CDC42BPB: variants seen among roughly 807,000 people sequenced by gnomAD.
CDC42BPB encodes serine/threonine-protein kinase MRCK beta.
A neutral mutation model predicts 214.9 loss-of-function variants in CDC42BPB; 37 were observed. The observed-to-expected ratio is 0.17, with a 90% CI of 0.13 to 0.23. The LOEUF is 0.23. Among genes scored for constraint, CDC42BPB ranks in the 10% least tolerant of loss-of-function variants. The pLI, the probability that CDC42BPB is intolerant of heterozygous loss-of-function variation, is 1.00. For missense variants in CDC42BPB, 1,694 were observed against 2,227.0 expected, an observed-to-expected ratio of 0.76 and a Z score of 4.82; for synonymous variants, 931 against 884.0, an observed-to-expected ratio of 1.05 and a Z score of -0.94.
At chr14:103,023,168 A>AT (rs35470028) in intron 1 of CDC42BPB, among the ~76,000 whole-genome samples, 60,192 of 129,128 alleles carry the variant, frequency 0.47, 14,905 homozygotes, top group African/African-American at 0.61. Flanking sequence ...CATGTGGCTA[A>AT]TTTTTTTTTT....
chr14:103,032,950 GA>G (rs1887475506), intron 1 of CDC42BPB, among the ~76,000 whole-genome samples: 1 of 149,450 alleles, frequency 6.7e-6, no homozygotes, highest in Admixed American at 6.7e-5. Context: ...AAAAAAAAAG[GA>G]AATTTAAACA....
At chr14:102,945,252 CG>C (rs1283715315) in intron 29 of CDC42BPB, 1 of 459,066 alleles carries the variant, frequency 2.2e-6, no homozygotes, top group African/African-American at 2.0e-5. Flanking sequence ...AGTCTCCTGA[CG>C]TTTCTGCTCC....
intron 1 of CDC42BPB, among the ~76,000 whole-genome samples, chr14:103,055,678 G>C (rs1471721509): frequency 6.6e-6 from 1 of 152,208 alleles, no homozygotes; most frequent in Non-Finnish European, 1.5e-5. Flanking sequence ...AAGATACCGT[G>C]TAACATTTCA....
At chr14:102,947,174 A>G (rs1037166657) in intron 27 of CDC42BPB, among the ~76,000 whole-genome samples, 1 of 152,160 alleles carries the variant, frequency 6.6e-6, no homozygotes, top group Non-Finnish European at 1.5e-5. Context: ...GATTTAGTAA[A>G]AGCTAATTTA....
chr14:102,940,181 A>G, intron 31 of CDC42BPB, 46 bp downstream of exon 31: 1 of 1,613,342 alleles, frequency 6.2e-7, no homozygotes, highest in Non-Finnish European at 8.5e-7. Context: ...CACAGACTGC[A>G]CCGGGAGAAG....
At position 103,057,271 on chromosome 14, in the gene CDC42BPB, G is replaced by GGCA. The variant is rs541001508; in HGVS notation, c.-101_-99dup. The GGCA allele has an allele frequency of 1.7e-3, 1,895 of 1,146,154 alleles. 24 individuals are homozygous for GGCA. The African/African-American group carries it at 0.027, about 16-fold the overall frequency. 71.0% of individuals were successfully genotyped at this position (1,146,154 alleles called of 1,614,324 possible). ...CGGGGGCTCGGCGGCTGCGAGCCCC[G>GGCA]GCAGCAGCGGCGCCTCCTCGCCGCC... On this transcript the variant is annotated 5_prime_UTR_variant, in exon 1 of 37. Transcript: ENST00000361246.
intron 26 of CDC42BPB, 142 bp from the exon 27 acceptor site, chr14:102,947,944 T>C (rs1253171783): frequency 2.7e-6 from 4 of 1,495,694 alleles, no homozygotes; most frequent in Non-Finnish European, 3.5e-6. Flanking sequence ...CCTCCCCAGA[T>C]GTAAGAAACA....
rs1191226057 is a variant in CDC42BPB at position 103,004,256 on chromosome 14, T to C, written c.352-233A>G. On this transcript the variant is annotated intron_variant, in intron 3 of 36. Transcript: ENST00000361246. The surrounding 1 kb of genome is among the most constrained non-coding windows in gnomAD (Gnocchi z 5.3). ...TGCTGAGGAGGCACTTGCACCCTGC[T>C]GTCCCACGGGCACCATTTCTGTGGC... The C allele has an allele frequency of 1.8e-6, 2 of 1,091,592 alleles. No individual in the cohort carries two copies. The highest frequency in any genetic ancestry group is 2.3e-6 in the Non-Finnish European group (2 of 853,572). The allele number at this position is 1,091,592 out of a possible 1,614,324, so 67.6% of individuals were successfully genotyped here.
In CDC42BPB at chr14:103,001,513, G is replaced by A. The variant is rs965928992; in HGVS notation, c.448-1800C>T. On this transcript the variant is annotated intron_variant, in intron 4 of 36. Transcript: ENST00000361246. This position sits in a 1 kb window ranked among gnomAD's most constrained non-coding sequence, Gnocchi z 5.8. Reference sequence around the variant, plus strand: ...AAGCGGCTAGGAGGAAAGTGGCAGCGGCACCCTGGAGCCTGCCAAAAGGGG... The same window carrying A: ...AAGCGGCTAGGAGGAAAGTGGCAGCAGCACCCTGGAGCCTGCCAAAAGGGG... Among the ~76,000 whole-genome samples, 93 of 152,298 alleles carry A rather than the reference G, an allele frequency of 6.1e-4. No individual in the cohort carries two copies. The highest frequency in any genetic ancestry group is 2.2e-3 in the African/African-American group (92 of 41,572).
intron 3 of CDC42BPB, among the ~76,000 whole-genome samples, chr14:103,005,145 G>A (rs1895178325): frequency 6.6e-6 from 1 of 150,438 alleles, no homozygotes; most frequent in Admixed American, 6.6e-5. Flanking sequence ...TCCAGCCTGG[G>A]CGACAAAGCG....
In CDC42BPB at chr14:102,943,657, G is replaced by A. The variant is rs570714705; in HGVS notation, c.4408+234C>T. ...GGGTCCTCTGCTGAGGCCTCTGGAAGAACCGGCCCCATGTGCTCAGGGAGA... is the reference window on the plus strand; with the variant it reads ...GGGTCCTCTGCTGAGGCCTCTGGAAAAACCGGCCCCATGTGCTCAGGGAGA... On this transcript the variant is annotated intron_variant, in intron 30 of 36. Coordinates refer to ENST00000361246, the MANE Select transcript of CDC42BPB (RefSeq NM_006035.4). This position sits in a 1 kb window ranked among gnomAD's most constrained non-coding sequence, Gnocchi z 4.6. Among the ~76,000 whole-genome samples the A allele has an allele frequency of 1.3e-5, 2 of 152,316 alleles. No individual in the cohort carries two copies. Among genetic ancestry groups the A allele is most frequent in the East Asian group, 1.9e-4 (1 of 5,182 alleles).
intron 1 of CDC42BPB, among the ~76,000 whole-genome samples, chr14:103,030,671 G>C (rs1337778934): frequency 6.6e-6 from 1 of 152,164 alleles, no homozygotes; most frequent in Non-Finnish European, 1.5e-5. Context: ...ACTCCAGCCT[G>C]GGTGACAGAG....
chr14:103,052,579 C>T (rs964361174), intron 1 of CDC42BPB, among the ~76,000 whole-genome samples: 2 of 152,102 alleles, frequency 1.3e-5, no homozygotes, highest in South Asian at 2.1e-4. Flanking sequence ...GGAGGAGGAC[C>T]GTGAGAAGAT....
chr14:103,028,007 G>A (rs1188458408), intron 1 of CDC42BPB, among the ~76,000 whole-genome samples: 1 of 152,204 alleles, frequency 6.6e-6, no homozygotes, highest in African/African-American at 2.4e-5. Context: ...GTGCGCACCT[G>A]TAGTCCCAGC....
chr14:102,968,798 G>A, intron 14 of CDC42BPB, 82 bp from the exon 15 acceptor site: 1 of 1,564,496 alleles, frequency 6.4e-7, no homozygotes. Flanking sequence ...TTCATCCCAA[G>A]CAAGTGCAGA....
At position 102,968,557 on chromosome 14, in the gene CDC42BPB, C is replaced by A. The variant is rs777857435; in HGVS notation, c.2155G>T (p.Val719Leu). 3 of 1,613,982 alleles carry A rather than the reference C, an allele frequency of 1.9e-6. No homozygotes were observed. Among genetic ancestry groups the A allele is most frequent in the African/African-American group, 2.7e-5 (2 of 74,886 alleles). Residue 719 changes from valine (V) to leucine (L), a missense_variant, in exon 15 of 37, where the codon GTG becomes TTG. Transcript: ENST00000361246. ...VLEVKNVKKE[V>L]HDSESHQLAL... ...AGCTGGTGGCTTTCTGAATCATGCA[C>A]CTCCTTCTTCACATTTTTCACTTCT...
intron 6 of CDC42BPB, among the ~76,000 whole-genome samples, chr14:102,985,751 A>T (rs1156913976): frequency 6.6e-6 from 1 of 152,336 alleles, no homozygotes; most frequent in African/African-American, 2.4e-5. Context: ...TAGGTTTCAA[A>T]AAAGAAAAGA....
chr14:103,036,155 T>TC (rs1415655884), intron 1 of CDC42BPB, among the ~76,000 whole-genome samples: 39 of 127,526 alleles, frequency 3.1e-4, no homozygotes, highest in Non-Finnish European at 1.1e-4. Flanking sequence ...AAAATATTCT[T>TC]TTTTTTTTTT....
At chr14:102,976,378 A>G (rs1442190860) in intron 9 of CDC42BPB, among the ~76,000 whole-genome samples, 1 of 152,252 alleles carries the variant, frequency 6.6e-6, no homozygotes, top group Non-Finnish European at 1.5e-5. Flanking sequence ...GGGCAGCCCC[A>G]GCTCGTCTGC....
Sources: allele counts gnomAD v4.1 joint callset (sites outside exome capture counted in the v4.1 genomes callset), GRCh38; gene constraint gnomAD v4.1.1; non-coding constraint Gnocchi (gnomAD v3.1); transcripts MANE v1.5; gene names NCBI Gene and HGNC (gene_info 2026-07-23, HGNC 2026-07-21).